Variants in CCSER1 observed in about 807,000 individuals in gnomAD.
CCSER1 encodes the protein coiled-coil serine rich protein 1.
CCSER1 carries 41 observed loss-of-function variants against 82.0 expected under a neutral mutation model. The observed-to-expected ratio is 0.50, with a 90% CI of 0.39 to 0.65. The LOEUF is 0.65. CCSER1 is among the 30% of genes least tolerant of loss of function. The probability of loss-of-function intolerance (pLI) is 0.00; values close to 1 mark genes in which losing one functional copy is unlikely to be tolerated. For synonymous variants in CCSER1, 414 were observed against 383.9 expected, an observed-to-expected ratio of 1.08 and a Z score of -0.92; for missense variants, 1,119 against 1,064.2, an observed-to-expected ratio of 1.05 and a Z score of -0.72.
intron 9 of CCSER1, chr4:90,951,405 C>G (rs578250636): frequency 2.5e-4 from 38 of 152,170 alleles, no homozygotes; most frequent in African/African-American, 8.7e-4. Flanking sequence ...GGGCATCACT[C>G]CCTTTTTCAA....
rs528718886 is a variant in CCSER1 at position 91,422,119 on chromosome 4, C to A, written c.2218-176453C>A. Among the ~76,000 whole-genome samples, 4 of 152,158 alleles carry A rather than the reference C, an allele frequency of 2.6e-5. No individual in the cohort carries two copies. In the South Asian group the frequency reaches 8.3e-4, roughly 32 times the overall value. ...AGCCCTGTCCACACCTTGATTTTAGCTTAGTAATACTCATGATGGACTCCT... is the reference window on the plus strand; with the variant it reads ...AGCCCTGTCCACACCTTGATTTTAGATTAGTAATACTCATGATGGACTCCT... On this transcript the variant is annotated intron_variant, in intron 10 of 10. Transcript: ENST00000509176.
At chr4:90,508,582 C>A (rs1771044421) in intron 5 of CCSER1, among the ~76,000 whole-genome samples, 1 of 151,960 alleles carries the variant, frequency 6.6e-6, no homozygotes, top group Admixed American at 6.6e-5. Context: ...ATATGTCCTC[C>A]TATTGAAAAT....
intron 5 of CCSER1, among the ~76,000 whole-genome samples, chr4:90,525,850 G>A (rs2153627597): frequency 6.6e-6 from 1 of 152,046 alleles, no homozygotes; most frequent in African/African-American, 2.4e-5. Flanking sequence ...ATGTTGCCCT[G>A]GCTGGTCTCG....
At chr4:90,503,536 A>AAATGC in intron 5 of CCSER1, among the ~76,000 whole-genome samples, 1 of 152,094 alleles carries the variant, frequency 6.6e-6, no homozygotes, top group Non-Finnish European at 1.5e-5. Flanking sequence ...AACATTAGGT[A>AAATGC]TATCTCCTAA....
At chr4:90,543,063 A>C (rs1460634245) in intron 5 of CCSER1, among the ~76,000 whole-genome samples, 2 of 152,166 alleles carry the variant, frequency 1.3e-5, no homozygotes, top group East Asian at 3.8e-4. Flanking sequence ...TTTGCTGGTA[A>C]TACATGTCTG....
chr4:90,957,730 A>T (rs1016849676), intron 9 of CCSER1, among the ~76,000 whole-genome samples: 1 of 145,074 alleles, frequency 6.9e-6, no homozygotes, highest in African/African-American at 2.6e-5. Flanking sequence ...CCACACATAC[A>T]CACACAGCTA....
intron 10 of CCSER1, among the ~76,000 whole-genome samples, chr4:91,555,280 A>G (rs1224376241): frequency 6.6e-6 from 1 of 151,164 alleles, no homozygotes; most frequent in Non-Finnish European, 1.5e-5. Flanking sequence ...TTCTATGTGC[A>G]TTCATTTCTG....
At chr4:90,436,214 G>C (rs909937431) in intron 4 of CCSER1, among the ~76,000 whole-genome samples, 3 of 152,124 alleles carry the variant, frequency 2.0e-5, no homozygotes, top group Non-Finnish European at 4.4e-5. Flanking sequence ...TTATATTTAA[G>C]TGAGAGATCA....
intron 7 of CCSER1, among the ~76,000 whole-genome samples, chr4:90,792,920 G>C (rs1026046292): frequency 3.1e-4 from 47 of 152,342 alleles, no homozygotes; most frequent in African/African-American, 1.1e-3. Context: ...GGTACCTGGA[G>C]TGTGAGAGCC....
chr4:90,165,178 G>A (rs573360398), intron 1 of CCSER1, among the ~76,000 whole-genome samples: 1 of 152,170 alleles, frequency 6.6e-6, no homozygotes, highest in South Asian at 2.1e-4. Context: ...TCTGATACCA[G>A]TTGTGCCAAA....
intron 5 of CCSER1, among the ~76,000 whole-genome samples, chr4:90,511,030 A>G (rs1446926966): frequency 6.6e-6 from 1 of 152,224 alleles, no homozygotes; most frequent in Non-Finnish European, 1.5e-5. Flanking sequence ...GGGAGTTGCC[A>G]ATGAGATGGA....
At chr4:91,002,147 TG>T (rs1348018406) in intron 9 of CCSER1, among the ~76,000 whole-genome samples, 1 of 152,338 alleles carries the variant, frequency 6.6e-6, no homozygotes, top group South Asian at 2.1e-4. Flanking sequence ...GGTTTTCCTT[TG>T]TAGGTTACCT....
chr4:90,195,612 T>C (rs1248144197), intron 1 of CCSER1, among the ~76,000 whole-genome samples: 3 of 152,088 alleles, frequency 2.0e-5, no homozygotes, highest in Non-Finnish European at 1.5e-5. Context: ...CTCTGGGTGA[T>C]AATGATGTGT....
chr4:90,611,347 A>G (rs1579462533), intron 5 of CCSER1, among the ~76,000 whole-genome samples: 1 of 152,090 alleles, frequency 6.6e-6, no homozygotes, highest in Non-Finnish European at 1.5e-5. Context: ...TATGACTGCT[A>G]ACATGTAAAT....
intron 10 of CCSER1, among the ~76,000 whole-genome samples, chr4:91,168,193 T>C (rs1392598705): frequency 7.9e-6 from 1 of 127,192 alleles, no homozygotes. Context: ...GTCTGGGAAG[T>C]GAGTAGCGCC....
At chr4:91,395,012 T>G (rs564994136) in intron 10 of CCSER1, among the ~76,000 whole-genome samples, 1 of 152,272 alleles carries the variant, frequency 6.6e-6, no homozygotes, top group East Asian at 1.9e-4. Context: ...TGTAAAGTAC[T>G]AATATATCTT....
At chr4:90,164,203 G>GT (rs954832789) in intron 1 of CCSER1, among the ~76,000 whole-genome samples, 17 of 149,412 alleles carry the variant, frequency 1.1e-4, no homozygotes, top group African/African-American at 2.9e-4. Flanking sequence ...TTTAATAAGG[G>GT]TTTTTTTTCA....
At chr4:90,538,506 C>G (rs1775706823) in intron 5 of CCSER1, among the ~76,000 whole-genome samples, 1 of 151,978 alleles carries the variant, frequency 6.6e-6, no homozygotes, top group African/African-American at 2.4e-5. Flanking sequence ...ACTTGAAAAA[C>G]TTGGCTTCTG....
chr4:90,597,087 C>A (rs766472941), intron 5 of CCSER1, among the ~76,000 whole-genome samples: 4 of 151,876 alleles, frequency 2.6e-5, no homozygotes, highest in Admixed American at 1.3e-4. Context: ...TAAAATGTAA[C>A]GTATATTTCT....
Sources: allele counts gnomAD v4.1 joint callset (sites outside exome capture counted in the v4.1 genomes callset), GRCh38; gene constraint gnomAD v4.1.1; transcripts MANE v1.5; gene names NCBI Gene and HGNC (gene_info 2026-07-23, HGNC 2026-07-21).